ANAPC10: variants seen among roughly 807,000 people sequenced by gnomAD.
ANAPC10 encodes the protein anaphase promoting complex subunit 10.
Under a neutral mutation model 22.0 loss-of-function variants are expected in ANAPC10, and 12 were observed. The ratio of observed to expected loss-of-function variants is 0.55; its 90% CI spans 0.35 to 0.88. The LOEUF is 0.88. Ranked by LOEUF, ANAPC10 falls within the 40% of genes least tolerant of loss-of-function variation. The probability of loss-of-function intolerance (pLI) is 0.01; values close to 1 mark genes in which losing one functional copy is unlikely to be tolerated. For synonymous variants in ANAPC10, 65 were observed against 69.5 expected, an observed-to-expected ratio of 0.94 and a Z score of 0.32; for missense variants, 188 against 220.9, an observed-to-expected ratio of 0.85 and a Z score of 0.94.
rs1186853327 is a variant in ANAPC10 at position 145,026,987 on chromosome 4, A to ATT, written c.328-31386_328-31385dup. On this transcript the variant is annotated intron_variant, in intron 4 of 4. Coordinates refer to ENST00000507656, the MANE Select transcript of ANAPC10 (RefSeq NM_001256706.2). ...TATATATATATATATATATATATAT[A>ATT]TTTTTTTTTTTTTTTTTTTTTTTTT... Among the ~76,000 whole-genome samples the ATT allele has an allele frequency of 5.2e-4, 8 of 15,370 alleles. 2 individuals are homozygous for ATT. The highest frequency in any genetic ancestry group is 1.4e-3 in the African/African-American group (6 of 4,334). 10.1% of individuals were successfully genotyped at this position (15,370 alleles called of 152,430 possible).
At position 145,050,906 on chromosome 4, in the gene ANAPC10, G is replaced by A. The variant is rs576227858; in HGVS notation, c.327+13666C>T. On this transcript the variant is annotated intron_variant, in intron 4 of 4. Coordinates refer to ENST00000507656, the MANE Select transcript of ANAPC10 (RefSeq NM_001256706.2). ...AAACTTTCTCCATATCAGTAATAAG[G>A]CTGTATTGCTTTCTTATTATTCATG... 1.5e-4 allele frequency among the ~76,000 whole-genome samples: 23 copies of A among 152,312 alleles called. No homozygotes were observed. In the South Asian group the frequency reaches 4.6e-3, roughly 30 times the overall value.
chr4:145,021,500 C>CTCT (rs1735953317), intron 4 of ANAPC10, among the ~76,000 whole-genome samples: 1 of 152,140 alleles, frequency 6.6e-6, no homozygotes, highest in Admixed American at 6.6e-5. Flanking sequence ...GGATCCTCAT[C>CTCT]TCTCACCTTA....
Position 144,996,702 on chromosome 4 carries a change from G to A in ANAPC10, c.328-1099C>T, listed in dbSNP as rs141100356. 4.5e-3 allele frequency among the ~76,000 whole-genome samples: 683 copies of A among 152,208 alleles called. 7 individuals are homozygous for A. The highest frequency in any genetic ancestry group is 0.015 in the African/African-American group (640 of 41,548). The stretch of plus-strand genomic sequence containing the variant: ...CTCCTCCAAAGAAATGCAGCTCCTC[G>A]CCAGCAACGGAACAAAGCTGGACGG... On this transcript the variant is annotated intron_variant, in intron 4 of 4. Transcript: ENST00000507656.
intron 3 of ANAPC10, among the ~76,000 whole-genome samples, chr4:145,074,982 G>C (rs1409355142): frequency 6.6e-6 from 1 of 151,960 alleles, no homozygotes; most frequent in Non-Finnish European, 1.5e-5. Flanking sequence ...CAGACCATAG[G>C]TTCCAAATTT....
intron 4 of ANAPC10, among the ~76,000 whole-genome samples, chr4:144,997,378 T>C (rs774842962): frequency 6.6e-5 from 10 of 152,112 alleles, no homozygotes; most frequent in Admixed American, 2.0e-4. Flanking sequence ...ATCAGACTAA[T>C]AGCAGATCTC....
At chr4:145,076,409 G>C (rs927831013) in intron 3 of ANAPC10, among the ~76,000 whole-genome samples, 1 of 152,236 alleles carries the variant, frequency 6.6e-6, no homozygotes, top group Middle Eastern at 3.4e-3. Context: ...TAAAACCCTC[G>C]ATGACATCAA....
At chr4:145,033,984 T>C (rs1738032819) in intron 4 of ANAPC10, among the ~76,000 whole-genome samples, 2 of 152,234 alleles carry the variant, frequency 1.3e-5, no homozygotes, top group Middle Eastern at 3.2e-3. Flanking sequence ...ACTTCATGTA[T>C]GTACTAGTAT....
intron 2 of ANAPC10, among the ~76,000 whole-genome samples, chr4:145,092,582 A>G (rs1239466757): frequency 6.6e-6 from 1 of 152,204 alleles, no homozygotes; most frequent in African/African-American, 2.4e-5. Context: ...GTACAGCAAC[A>G]CTGAGAGCCC....
At chr4:145,023,932 T>C (rs1736303144) in intron 4 of ANAPC10, among the ~76,000 whole-genome samples, 1 of 152,224 alleles carries the variant, frequency 6.6e-6, no homozygotes, top group Non-Finnish European at 1.5e-5. Context: ...GGCAAAACTT[T>C]CAAAATTGGA....
intron 4 of ANAPC10, among the ~76,000 whole-genome samples, chr4:145,055,315 TGA>T (rs1403206075): frequency 6.6e-6 from 1 of 152,142 alleles, no homozygotes; most frequent in Non-Finnish European, 1.5e-5. Flanking sequence ...CCCAGCACTT[TGA>T]GAGGCCGAGG....
At chr4:145,030,657 G>A (rs1737430361) in intron 4 of ANAPC10, among the ~76,000 whole-genome samples, 1 of 152,142 alleles carries the variant, frequency 6.6e-6, no homozygotes, top group Non-Finnish European at 1.5e-5. Context: ...ATGCATAATT[G>A]GCATAGACAT....
intron 4 of ANAPC10, among the ~76,000 whole-genome samples, chr4:145,032,071 C>T (rs939339153): frequency 1.1e-4 from 16 of 152,216 alleles, no homozygotes; most frequent in Admixed American, 9.8e-4. Context: ...CCTGACATCT[C>T]TCCCCCAGCC....
rs199570289 is a variant in ANAPC10, at chr4:145,096,003, G to A, written c.97C>T (p.Leu33Phe). 6 of 1,614,002 alleles carry A rather than the reference G, an allele frequency of 3.7e-6. No homozygotes were observed. Among genetic ancestry groups the A allele is most frequent in the Non-Finnish European group, 5.1e-6 (6 of 1,180,018 alleles). ...REIGSQAVWSLSSCKPGFGVD... is the reference protein window; with the variant it reads ...REIGSQAVWSFSSCKPGFGVD... ...TTTTTACCTGGTTTGCAAGATGAGA[G>A]TGACCAAACAGCTTGTGACCCAATT... Residue 33 changes from leucine to phenylalanine, a missense_variant, in exon 2 of 5, where the codon CTC becomes TTC. Coordinates refer to ENST00000507656, the MANE Select transcript of ANAPC10 (RefSeq NM_001256706.2).
chr4:145,010,494 T>TA lies in ANAPC10; in HGVS notation c.328-14892dup, dbSNP rs1553963266. 7.9e-5 allele frequency among the ~76,000 whole-genome samples: 12 copies of TA among 152,208 alleles called. No individual in the cohort carries two copies. In the South Asian group the frequency reaches 2.1e-3, roughly 26 times the overall value. On this transcript the variant is annotated intron_variant, in intron 4 of 4. Coordinates refer to ENST00000507656, the MANE Select transcript of ANAPC10 (RefSeq NM_001256706.2). ...TACACCATGGAATACTATGCAGCCA[T>TA]AAAAAAGGATGAGTTCTTGTCCTTT...
intron 4 of ANAPC10, among the ~76,000 whole-genome samples, chr4:145,031,385 G>A (rs1737558616): frequency 6.6e-6 from 1 of 152,174 alleles, no homozygotes; most frequent in African/African-American, 2.4e-5. Context: ...AAATTTCTAG[G>A]GGTCCAGTTG....
chr4:145,016,724 T>TA (rs941526002), intron 4 of ANAPC10, among the ~76,000 whole-genome samples: 1 of 152,122 alleles, frequency 6.6e-6, no homozygotes, highest in African/African-American at 2.4e-5. Context: ...CAAACTATAC[T>TA]ACAAGGCTAC....
At chr4:145,041,228 A>C (rs188732512) in intron 4 of ANAPC10, among the ~76,000 whole-genome samples, 4 of 152,338 alleles carry the variant, frequency 2.6e-5, no homozygotes, top group Admixed American at 2.6e-4. Flanking sequence ...GTTAAGGTGA[A>C]ATTTTACAAA....
At chr4:145,036,633 C>A (rs34396069) in intron 4 of ANAPC10, among the ~76,000 whole-genome samples, 1 of 152,164 alleles carries the variant, frequency 6.6e-6, no homozygotes, top group East Asian at 1.9e-4. Context: ...TAAGCATATG[C>A]CATCATACCC....
At chr4:145,045,653 A>T (rs1171064072) in intron 4 of ANAPC10, among the ~76,000 whole-genome samples, 1 of 152,074 alleles carries the variant, frequency 6.6e-6, no homozygotes, top group Non-Finnish European at 1.5e-5. Flanking sequence ...GCACTCTCAC[A>T]TATATGAATG....
Sources: allele counts gnomAD v4.1 joint callset (sites outside exome capture counted in the v4.1 genomes callset), GRCh38; gene constraint gnomAD v4.1.1; transcripts MANE v1.5; gene names NCBI Gene and HGNC (gene_info 2026-07-23, HGNC 2026-07-21).